Variants in CIT observed in about 807,000 individuals in gnomAD.
CIT encodes the protein citron Rho-interacting kinase.
Under a neutral mutation model 272.7 loss-of-function variants are expected in CIT, and 79 were observed. That is an observed-to-expected ratio of 0.29 (90% confidence interval 0.24 to 0.35). The LOEUF (loss-of-function observed/expected upper bound fraction) is 0.35. Among genes scored for constraint, CIT ranks in the 10% least tolerant of loss-of-function variants. CIT has a pLI of 1.00. For synonymous variants in CIT, 948 were observed against 995.6 expected (o/e 0.95, Z 0.90); for missense variants, 1,909 against 2,618.3 (o/e 0.73, Z 5.91).
intron 32 of CIT, among the ~76,000 whole-genome samples, chr12:119,717,903 G>A (rs113283622): frequency 0.024 from 3,202 of 132,382 alleles, 134 homozygotes; most frequent in African/African-American, 0.087. Flanking sequence ...GTGCAATGGC[G>A]CAATCTCGGC....
rs1967831537 is a variant in CIT at position 119,822,812 on chromosome 12, C to CCAAATTCG, written c.1111+7_1111+8insCGAATTTG. ...ACATCCCAAATTAAGGAAAACAGCCCTACTTACAGTTACGAATGTTGTTCC... is the reference window on the plus strand; with the variant it reads ...ACATCCCAAATTAAGGAAAACAGCCCCAAATTCGTACTTACAGTTACGAATGTTGTTCC... On this transcript the variant is annotated splice_region_variant and intron_variant, in intron 9 of 47. Transcript: ENST00000392521. The CCAAATTCG allele has an allele frequency of 2.5e-6, 4 of 1,613,738 alleles. No homozygotes were observed. The East Asian group carries it at 8.9e-5, about 36-fold the overall frequency.
chr12:119,734,067 A>T, intron 26 of CIT, 97 bp downstream of exon 26: 1 of 1,336,392 alleles, frequency 7.5e-7, no homozygotes, highest in Admixed American at 2.2e-5. Flanking sequence ...GAAACTTCTC[A>T]GTCTCGGCGG....
chr12:119,835,862 T>C (rs1454502786), intron 5 of CIT, among the ~76,000 whole-genome samples: 4 of 152,060 alleles, frequency 2.6e-5, no homozygotes, highest in African/African-American at 9.7e-5. Context: ...TCGCGCATCC[T>C]CCCTGGGGGC....
chr12:119,757,679 C>A (rs1961194208), intron 21 of CIT, 134 bp from the exon 22 acceptor site: 6 of 1,137,152 alleles, frequency 5.3e-6, no homozygotes, highest in Non-Finnish European at 6.2e-6. Context: ...CCTGGGTTAG[C>A]TGTCTCCTGA....
At position 119,815,087 on chromosome 12, in the gene CIT, C is replaced by T. The variant is rs1161791616; in HGVS notation, c.1111+7733G>A. 4.9e-5 allele frequency among the ~76,000 whole-genome samples: 5 copies of T among 103,038 alleles called. No homozygotes were observed. In the Admixed American group the frequency reaches 5.7e-4, roughly 12 times the overall value. 67.6% of individuals were successfully genotyped at this position (103,038 alleles called of 152,430 possible). A position where few individuals can be genotyped will look rare whatever the true frequency, so the allele number is the denominator to read the frequency against. On this transcript the variant is annotated intron_variant, in intron 9 of 47. Coordinates refer to ENST00000392521, the MANE Select transcript of CIT (RefSeq NM_001206999.2). ...AAACGAATATGTGCGTGCTCACATACCACACACACACACACACAACACACA... is the reference window on the plus strand; with the variant it reads ...AAACGAATATGTGCGTGCTCACATATCACACACACACACACACAACACACA...
chr12:119,760,807 C>T (rs1389592345), intron 20 of CIT, 132 bp downstream of exon 20: 2 of 701,274 alleles, frequency 2.9e-6, no homozygotes, highest in Non-Finnish European at 5.1e-6. Context: ...AGAAAGCCTC[C>T]TATTACCAAC....
At position 119,834,202 on chromosome 12, in the gene CIT, G is replaced by T. The variant is rs745416240; in HGVS notation, c.543C>A (p.Asp181Glu). 7 of 1,613,052 alleles carry T rather than the reference G, an allele frequency of 4.3e-6. No individual in the cohort carries two copies. The Admixed American group carries it at 1.0e-4, about 23-fold the overall frequency. The change falls in exon 6 of 48, where the codon GAC becomes GAA. Residue 181 changes from aspartate (D) to glutamate (E), a missense_variant. Physicochemically the swap from Asp to Glu is conservative, Grantham distance 45. Transcript: ENST00000392521. Reference protein sequence around the residue: ...YLVMEYQPGGDLLSLLNRYED... With the variant: ...YLVMEYQPGGELLSLLNRYED... ...CATATCTATTCAAAAGTGACAGCAA[G>T]TCCCCTCCAGGCTGATATTCCATGA... is the stretch of plus-strand genomic sequence containing the variant.
intron 9 of CIT, chr12:119,803,991 T>TC (rs1412399731): frequency 1.4e-5 from 3 of 216,122 alleles, no homozygotes; most frequent in Non-Finnish European, 2.4e-5. Flanking sequence ...TTAACCACTT[T>TC]TTTTTTTTTT....
chr12:119,718,032 G>A lies in CIT; in HGVS notation c.4168+213C>T, dbSNP rs2041328823. ...ATTTTGCATTTTTAGTAGAGACGGG[G>A]TTTCTCCATGTTGGTCAGGCTGGTC... On this transcript the variant is annotated intron_variant, in intron 32 of 47. Transcript: ENST00000392521. This position sits in a 1 kb window ranked among gnomAD's most constrained non-coding sequence, Gnocchi z 4.8. Among the ~76,000 whole-genome samples the A allele has an allele frequency of 1.3e-5, 2 of 151,440 alleles. No homozygotes were observed. Among genetic ancestry groups the A allele is most frequent in the Admixed American group, 1.3e-4 (2 of 15,176 alleles).
chr12:119,778,069 C>T (rs759426655), intron 13 of CIT, among the ~76,000 whole-genome samples: 2 of 152,178 alleles, frequency 1.3e-5, no homozygotes, highest in Non-Finnish European at 2.9e-5. Context: ...CGTAACATCA[C>T]TCCTGCAATG....
chr12:119,858,813 C>A (rs1950246053), intron 3 of CIT, among the ~76,000 whole-genome samples: 1 of 150,438 alleles, frequency 6.6e-6, no homozygotes, highest in African/African-American at 2.5e-5. Flanking sequence ...CAGAGCGAGA[C>A]TCCATCTCAA....
chr12:119,750,768 G>A (rs922646256), intron 23 of CIT, among the ~76,000 whole-genome samples: 138 of 149,780 alleles, frequency 9.2e-4, no homozygotes, highest in African/African-American at 3.0e-3. Flanking sequence ...TAGATAGATA[G>A]ATAGATAGAT....
intron 10 of CIT, among the ~76,000 whole-genome samples, chr12:119,786,696 G>A (rs898476826): frequency 6.6e-6 from 1 of 152,192 alleles, no homozygotes; most frequent in African/African-American, 2.4e-5. Flanking sequence ...CTGCAGCAAT[G>A]CAAAACACCT....
At chr12:119,719,007 G>A in intron 30 of CIT, 146 bp from the exon 31 acceptor site, 2 of 790,000 alleles carry the variant, frequency 2.5e-6, no homozygotes, top group Admixed American at 2.8e-5. Context: ...CATGTGAAGG[G>A]GGGGAAGGGT....
At chr12:119,738,774 C>G (rs1204433228) in intron 24 of CIT, among the ~76,000 whole-genome samples, 3 of 151,520 alleles carry the variant, frequency 2.0e-5, no homozygotes, top group Non-Finnish European at 4.4e-5. Flanking sequence ...TCCCAGCTAC[C>G]CAGGAGGCTG....
intron 41 of CIT, among the ~76,000 whole-genome samples, chr12:119,703,512 A>G (rs143870562): frequency 0.015 from 1,943 of 133,238 alleles, 27 homozygotes; most frequent in Non-Finnish European, 0.021. Context: ...TGCAACTTCC[A>G]CCTCCCACGT....
rs1056107610 is a variant in CIT, at chr12:119,713,455, C to T, written c.4487+13G>A. ...CAGCACCTGCTCCAGCCCAAGCCAC[C>T]CTGACATGGTACCTGGGCACCTTCA... On this transcript the variant is annotated intron_variant, in intron 34 of 47. Coordinates refer to ENST00000392521, the MANE Select transcript of CIT (RefSeq NM_001206999.2). This position sits in a 1 kb window ranked among gnomAD's most constrained non-coding sequence, Gnocchi z 5.2. 1 of 1,612,740 alleles carries T rather than the reference C, an allele frequency of 6.2e-7. No homozygotes were observed.
At chr12:119,799,841 G>GT (rs3999586) in intron 10 of CIT, among the ~76,000 whole-genome samples, 5,833 of 146,386 alleles carry the variant, frequency 0.04, 248 homozygotes, top group African/African-American at 0.11. Context: ...AACTTTATGA[G>GT]TTTTTTTTTT....
At chr12:119,782,085 T>A (rs2137686555) in intron 13 of CIT, 1 of 153,620 alleles carries the variant, frequency 6.5e-6, no homozygotes, top group African/African-American at 2.4e-5. Flanking sequence ...ACTTTATTTA[T>A]GGAGACTGAA....
Sources: allele counts gnomAD v4.1 joint callset (sites outside exome capture counted in the v4.1 genomes callset), GRCh38; gene constraint gnomAD v4.1.1; non-coding constraint Gnocchi (gnomAD v3.1); transcripts MANE v1.5; gene names NCBI Gene and HGNC (gene_info 2026-07-23, HGNC 2026-07-21).